LINGO2: variants seen among roughly 807,000 people sequenced by gnomAD.
LINGO2 encodes leucine-rich repeat and immunoglobulin-like domain-containing nogo receptor-interacting protein 2.
In LINGO2, 14 loss-of-function variants were observed where a neutral mutation model predicts 30.6. That is an observed-to-expected ratio of 0.46 (90% CI 0.30 to 0.72). The LOEUF is 0.72. LINGO2 is among the 30% of genes least tolerant of loss of function. The pLI, the probability that LINGO2 is intolerant of heterozygous loss-of-function variation, is 0.07. For missense variants in LINGO2, 729 were observed against 751.7 expected (o/e 0.97, Z 0.35); for synonymous variants, 317 against 288.5 (o/e 1.10, Z -1.00).
intron 4 of LINGO2, among the ~76,000 whole-genome samples, chr9:28,088,304 A>G (rs897047652): frequency 3.3e-5 from 5 of 152,034 alleles, no homozygotes; most frequent in Non-Finnish European, 7.4e-5. Context: ...AAGTTCAGTT[A>G]CATACAAGGC....
At chr9:28,181,211 G>A (rs749882910) in intron 4 of LINGO2, among the ~76,000 whole-genome samples, 5 of 152,104 alleles carry the variant, frequency 3.3e-5, no homozygotes. Flanking sequence ...CATATCCACT[G>A]ATTTTAGATT....
chr9:28,768,039 T>C, the LINGO2 span, among the ~76,000 whole-genome samples: 2 of 152,152 alleles, frequency 1.3e-5, no homozygotes, highest in African/African-American at 4.8e-5. Context: ...AGGTGCGAAA[T>C]AGTGGTATTT....
At chr9:29,006,649 T>C in the LINGO2 span, among the ~76,000 whole-genome samples, 1 of 152,110 alleles carries the variant, frequency 6.6e-6, no homozygotes, top group African/African-American at 2.4e-5. Context: ...TTTCTTTTTC[T>C]TGTAGCAACA....
chr9:28,641,079 G>T (rs1360728761), intron 1 of LINGO2, among the ~76,000 whole-genome samples: 4 of 152,034 alleles, frequency 2.6e-5, no homozygotes, highest in Non-Finnish European at 5.9e-5. Context: ...TGTCGCCCAG[G>T]CTGGAGTGCA....
intron 5 of LINGO2, among the ~76,000 whole-genome samples, chr9:27,985,655 G>T (rs1052687555): frequency 6.6e-6 from 1 of 151,790 alleles, no homozygotes; most frequent in African/African-American, 2.4e-5. Context: ...TTCAATTAGG[G>T]TTTATTATTA....
At chr9:28,357,858 C>G (rs1438089908) in intron 3 of LINGO2, among the ~76,000 whole-genome samples, 1 of 151,924 alleles carries the variant, frequency 6.6e-6, no homozygotes, top group African/African-American at 2.4e-5. Context: ...TTCCTAGCAC[C>G]TAGTAGGGAA....
intron 5 of LINGO2, among the ~76,000 whole-genome samples, chr9:28,002,899 G>C (rs1290711414): frequency 6.6e-6 from 1 of 152,134 alleles, no homozygotes; most frequent in East Asian, 1.9e-4. Flanking sequence ...CCCAGTGTGA[G>C]TGCGTGTCAG....
rs567103142 is a variant in LINGO2 at position 28,647,064 on chromosome 9, T to C, written c.-365+23136A>G. Among the ~76,000 whole-genome samples, 288 of 152,240 alleles carry C rather than the reference T, an allele frequency of 1.9e-3. 3 individuals carry two copies. The highest frequency in any genetic ancestry group is 2.9e-3 in the Admixed American group (45 of 15,282). On this transcript the variant is annotated intron_variant, in intron 1 of 5. Transcript: ENST00000379992. Reference sequence around the variant, plus strand: ...TGAGCAAAGACACCACAGGTATCCCTTTCTCACTGTCCCTTTGAAACAGCC... The same window carrying C: ...TGAGCAAAGACACCACAGGTATCCCCTTCTCACTGTCCCTTTGAAACAGCC...
At chr9:28,826,379 A>G in the LINGO2 span, among the ~76,000 whole-genome samples, 1 of 152,194 alleles carries the variant, frequency 6.6e-6, no homozygotes, top group Non-Finnish European at 1.5e-5. Context: ...AAAAAGCCAT[A>G]TGATGAATCC....
chr9:28,863,506 G>C, the LINGO2 span: 1 of 411,550 alleles, frequency 2.4e-6, no homozygotes, highest in Non-Finnish European at 5.1e-6. Context: ...AAGGATTCTA[G>C]AGTATATTTA....
At chr9:28,157,024 C>A (rs1295928558) in intron 4 of LINGO2, among the ~76,000 whole-genome samples, 2 of 152,146 alleles carry the variant, frequency 1.3e-5, no homozygotes, top group African/African-American at 4.8e-5. Context: ...AGTGGATCTA[C>A]CATTCTGGGT....
the LINGO2 span, among the ~76,000 whole-genome samples, chr9:29,066,596 G>A: frequency 1.3e-5 from 2 of 151,824 alleles, no homozygotes; most frequent in Admixed American, 6.6e-5. Flanking sequence ...AGTCACAATG[G>A]TAAAATGCTT....
the LINGO2 span, among the ~76,000 whole-genome samples, chr9:29,073,199 C>T: frequency 1.2e-3 from 184 of 152,152 alleles, no homozygotes; most frequent in Non-Finnish European, 2.1e-3. Context: ...TACATATCTC[C>T]ATGCTCTTTT....
chr9:27,988,624 T>G (rs554998633), intron 5 of LINGO2, among the ~76,000 whole-genome samples: 15 of 152,066 alleles, frequency 9.9e-5, no homozygotes, highest in Non-Finnish European at 2.1e-4. Context: ...TTCATGTCTG[T>G]CGGCTGCATA....
chr9:28,981,966 G>T, the LINGO2 span, among the ~76,000 whole-genome samples: 9 of 151,970 alleles, frequency 5.9e-5, no homozygotes, highest in Middle Eastern at 3.2e-3. Flanking sequence ...TTCAACTGCC[G>T]GCATAAGTGT....
chr9:28,861,445 T>C, the LINGO2 span, among the ~76,000 whole-genome samples: 22 of 146,764 alleles, frequency 1.5e-4, no homozygotes, highest in Admixed American at 2.9e-4. Context: ...TCTATTCTCA[T>C]ATAGTTCTCA....
intron 1 of LINGO2, among the ~76,000 whole-genome samples, chr9:28,481,832 T>C (rs1032183934): frequency 7.9e-5 from 12 of 151,534 alleles, no homozygotes; most frequent in African/African-American, 2.4e-4. Context: ...GTCCATGTGT[T>C]CTCATTGTTC....
chr9:29,044,247 AAATG>A, the LINGO2 span, among the ~76,000 whole-genome samples: 7,138 of 152,118 alleles, frequency 0.047, 231 homozygotes, highest in East Asian at 0.11. Context: ...TAATTAAAAT[AAATG>A]AATGGAGCAA....
At chr9:29,080,772 C>T in the LINGO2 span, among the ~76,000 whole-genome samples, 2 of 152,026 alleles carry the variant, frequency 1.3e-5, no homozygotes, top group Non-Finnish European at 2.9e-5. Flanking sequence ...GTTTCTTAAT[C>T]CTGAGTTCTA....
Sources: allele counts gnomAD v4.1 joint callset (sites outside exome capture counted in the v4.1 genomes callset), GRCh38; gene constraint gnomAD v4.1.1; transcripts MANE v1.5; gene names NCBI Gene and HGNC (gene_info 2026-07-23, HGNC 2026-07-21).